The following CCDC33 variants were observed in gnomAD, a reference collection of about 807,000 sequenced individuals.
CCDC33 encodes the protein coiled-coil domain-containing protein 33.
CCDC33 carries 94 observed loss-of-function variants against 91.9 expected under a neutral mutation model. That is an observed-to-expected ratio of 1.02 (90% confidence interval 0.87 to 1.21). CCDC33 has a LOEUF of 1.21. Ranked by LOEUF, CCDC33 falls within the 50% of genes most tolerant of loss-of-function variation. CCDC33 has a pLI of 0.00. For missense variants in CCDC33, 940 were observed against 935.5 expected (o/e 1.00, Z -0.06); for synonymous variants, 396 against 374.5 (o/e 1.06, Z -0.66).
chr15:74,278,693 C>A (rs1189952471), intron 7 of CCDC33, among the ~76,000 whole-genome samples: 2 of 152,274 alleles, frequency 1.3e-5, no homozygotes, highest in African/African-American at 2.4e-5. Context: ...TCCCTCTCTT[C>A]ACCCAGCCAG....
At chr15:74,207,825 G>A (rs1453805103) in intron 1 of CCDC33, 9 of 1,534,706 alleles carry the variant, frequency 5.9e-6, no homozygotes, top group African/African-American at 4.1e-5. Flanking sequence ...ACTGCCCTTC[G>A]CACACATACG....
At chr15:74,307,381 C>T (rs1370132324) in intron 11 of CCDC33, among the ~76,000 whole-genome samples, 1 of 152,196 alleles carries the variant, frequency 6.6e-6, no homozygotes, top group East Asian at 1.9e-4. Flanking sequence ...ATGTAATCCT[C>T]ACTCCAGACT....
Position 74,244,204 on chromosome 15 carries a change from C to T in CCDC33, c.185+56C>T, listed in dbSNP as rs1595927860. On this transcript the variant is annotated intron_variant, in intron 2 of 18. Coordinates refer to ENST00000398814, the MANE Select transcript of CCDC33 (RefSeq NM_025055.5). This position sits in a 1 kb window ranked among gnomAD's most constrained non-coding sequence, Gnocchi z 4.2. Reference sequence around the variant, plus strand: ...GATGGGTTGGGCTGTGAGCAGAAACCAGGGGACAGCTATTTGGAATACTAG... The same window carrying T: ...GATGGGTTGGGCTGTGAGCAGAAACTAGGGGACAGCTATTTGGAATACTAG... 6.4e-7 allele frequency: 1 copy of T among 1,559,892 alleles called. No individual in the cohort carries two copies. The highest frequency in any genetic ancestry group is 2.3e-5 in the East Asian group (1 of 44,292).
At position 74,218,359 on chromosome 15, in the gene CCDC33, A is replaced by C; in HGVS notation, c.311-138A>C. The stretch of plus-strand genomic sequence containing the variant: ...TAGGAGGGAGTCGCCTACCAGGGAA[A>C]TCTTAGCCAAGACTGCTTGGCTTTG... On this transcript the variant is annotated intron_variant, in intron 1 of 2. Coordinates refer to the CCDC33 transcript ENST00000635913. This position sits in a 1 kb window ranked among gnomAD's most constrained non-coding sequence, Gnocchi z 4.8. 4.4e-6 allele frequency: 4 copies of C among 915,512 alleles called. No individual in the cohort carries two copies. The highest frequency in any genetic ancestry group is 5.8e-6 in the Non-Finnish European group (4 of 690,494). The allele number at this position is 915,512 out of a possible 1,614,324, so 56.7% of individuals were successfully genotyped here. A position where few individuals can be genotyped will look rare whatever the true frequency, so the allele number is the denominator to read the frequency against.
intron 1 of CCDC33, among the ~76,000 whole-genome samples, chr15:74,241,962 A>G (rs1740032196): frequency 6.6e-6 from 1 of 152,240 alleles, no homozygotes; most frequent in Non-Finnish European, 1.5e-5. Context: ...AGGGGAGTCC[A>G]GAGTTCGTTA....
chr15:74,295,976 G>A (rs528295195), intron 11 of CCDC33, 28 bp downstream of exon 11: 4 of 1,581,488 alleles, frequency 2.5e-6, no homozygotes, highest in Non-Finnish European at 3.4e-6. Context: ...GGTGGGAAGG[G>A]CCGGGGCAGT....
chr15:74,276,562 C>T (rs2076455436), intron 7 of CCDC33, among the ~76,000 whole-genome samples: 2 of 152,180 alleles, frequency 1.3e-5, no homozygotes, highest in Admixed American at 1.3e-4. Context: ...AGGCCCCTGC[C>T]ATCCATTCTC....
intron 2 of CCDC33, among the ~76,000 whole-genome samples, chr15:74,256,799 C>T (rs1230104978): frequency 6.6e-6 from 1 of 152,220 alleles, no homozygotes; most frequent in Non-Finnish European, 1.5e-5. Context: ...AGAACACCGG[C>T]ACTTAAGCCT....
At chr15:74,306,642 CTG>C (rs1234205503) in intron 11 of CCDC33, among the ~76,000 whole-genome samples, 17 of 152,178 alleles carry the variant, frequency 1.1e-4, no homozygotes, top group Admixed American at 1.0e-3. Context: ...GTTTCTCTAT[CTG>C]TATTAATGGA....
rs1168739852 is a variant in CCDC33 at position 74,218,165 on chromosome 15, G to A, written c.311-332G>A. ...GAGGGAACAGGGAAACCAAGTCCCA[G>A]ACTTTAAATGGCTATAAATCAGGGG... is the stretch of plus-strand genomic sequence containing the variant. On this transcript the variant is annotated intron_variant, in intron 1 of 2. Transcript: ENST00000635913. This position sits in a 1 kb window ranked among gnomAD's most constrained non-coding sequence, Gnocchi z 4.8. Among the ~76,000 whole-genome samples the A allele has an allele frequency of 6.6e-6, 1 of 152,228 alleles. No individual in the cohort carries two copies. Among genetic ancestry groups the A allele is most frequent in the Admixed American group, 6.5e-5 (1 of 15,292 alleles).
rs551793242 is a variant in CCDC33 at position 74,295,888 on chromosome 15, C to G, written c.1230C>G (p.Ser410Arg). ...CAGTGAGCTCCACAATGGACTTGAG[C>G]ACGTCCACTCCACGAGAAGCAGAGG... Reference protein sequence around the residue: ...KDTVSSTMDLSTSTPREAEEE... With the variant: ...KDTVSSTMDLRTSTPREAEEE... The change falls in exon 11 of 19, where the codon AGC becomes AGG. Residue 410 changes from serine to arginine, a missense_variant. Coordinates refer to ENST00000398814, the MANE Select transcript of CCDC33 (RefSeq NM_025055.5). The G allele has an allele frequency of 1.2e-5, 19 of 1,614,008 alleles. No homozygotes were observed. The highest frequency in any genetic ancestry group is 3.3e-5 in the Admixed American group (2 of 59,998).
intron 7 of CCDC33, among the ~76,000 whole-genome samples, chr15:74,277,574 C>T (rs1447128482): frequency 6.6e-6 from 1 of 152,198 alleles, no homozygotes; most frequent in Non-Finnish European, 1.5e-5. Flanking sequence ...CGATGCCTGC[C>T]TCTCCCCGCC....
intron 12 of CCDC33, 81 bp downstream of exon 12, chr15:74,330,435 G>T: frequency 7.0e-7 from 1 of 1,428,724 alleles, no homozygotes; most frequent in East Asian, 2.5e-5. Context: ...GTGGCTGGGA[G>T]CTTCTCCCAG....
At chr15:74,210,956 G>A (rs187898176) in intron 2 of CCDC33, among the ~76,000 whole-genome samples, 37 of 152,324 alleles carry the variant, frequency 2.4e-4, no homozygotes, top group Admixed American at 2.4e-3. Context: ...AAGTAGAATA[G>A]AGCAGTAAGT....
chr15:74,281,117 A>G (rs2059354862), intron 9 of CCDC33, among the ~76,000 whole-genome samples: 1 of 152,224 alleles, frequency 6.6e-6, no homozygotes, highest in South Asian at 2.1e-4. Flanking sequence ...GATTTGAACC[A>G]CAGTTCAAAT....
intron 1 of CCDC33, among the ~76,000 whole-genome samples, chr15:74,242,514 A>G (rs2075380676): frequency 6.6e-6 from 1 of 152,162 alleles, no homozygotes; most frequent in African/African-American, 2.4e-5. Context: ...GAGATGAGGA[A>G]CAGCCTGCCA....
intron 2 of CCDC33, 126 bp from the exon 3 acceptor site, chr15:74,262,314 C>A: frequency 2.4e-6 from 3 of 1,244,454 alleles, no homozygotes; most frequent in South Asian, 1.4e-5. Flanking sequence ...AGTGTCTATG[C>A]ATGGGACAGA....
Position 74,330,295 on chromosome 15 carries a change from G to C in CCDC33, c.1397G>C (p.Arg466Pro). The C allele has an allele frequency of 6.2e-7, 1 of 1,611,204 alleles. No individual in the cohort carries two copies. The highest frequency in any genetic ancestry group is 8.5e-7 in the Non-Finnish European group (1 of 1,179,348). ...LEGENRILRS[R>P]LAQQEEEEGQ... ...GGAGAGAACCGCATACTGAGGAGCC[G>C]CCTGGCCCAGCAGGAGGAGGAAGAG... Residue 466 changes from arginine (R) to proline (P), a missense_variant, in exon 12 of 19, where the codon CGC becomes CCC. Physicochemically the swap from Arg to Pro is moderately radical, Grantham distance 103 (BLOSUM62 -2). Transcript: ENST00000398814.
chr15:74,208,257 A>G (rs2142115479), intron 1 of CCDC33, among the ~76,000 whole-genome samples: 1 of 152,284 alleles, frequency 6.6e-6, no homozygotes, highest in Admixed American at 6.5e-5. Flanking sequence ...GAGGCAATCA[A>G]GAAGAGGCTG....
Sources: allele counts gnomAD v4.1 joint callset (sites outside exome capture counted in the v4.1 genomes callset), GRCh38; gene constraint gnomAD v4.1.1; non-coding constraint Gnocchi (gnomAD v3.1); transcripts MANE v1.5; gene names NCBI Gene and HGNC (gene_info 2026-07-23, HGNC 2026-07-21).